The following NUP133 variants were observed in gnomAD, a reference collection of about 807,000 sequenced individuals.
The protein encoded by NUP133 is nuclear pore complex protein Nup133.
A neutral mutation model predicts 146.2 loss-of-function variants in NUP133; 66 were observed. That is an observed-to-expected ratio of 0.45 (90% CI 0.37 to 0.55). The LOEUF is 0.55. Ranked by LOEUF, NUP133 falls within the 20% of genes least tolerant of loss-of-function variation. The pLI is 0.00. For synonymous variants in NUP133, 521 were observed against 498.8 expected (o/e 1.04, Z -0.59); for missense variants, 1,277 against 1,374.8 (o/e 0.93, Z 1.12).
chr1:229,449,414 C>T lies in NUP133; in HGVS notation c.3181-224G>A, dbSNP rs368761593. The stretch of plus-strand genomic sequence containing the variant: ...ACGGAGTCTCGCTCTGTCGCCCAAG[C>T]TGGAGTGCAGTGGCGCGATCTCAGC... On this transcript the variant is annotated intron_variant, in intron 23 of 25. Transcript: ENST00000261396. Among the ~76,000 whole-genome samples, 12 of 149,718 alleles carry T rather than the reference C, an allele frequency of 8.0e-5. No homozygotes were observed. The East Asian group carries it at 2.0e-3, about 24-fold the overall frequency.
At chr1:229,508,040 G>T (rs370383878) in intron 1 of NUP133, 28 bp downstream of exon 1, 5 of 1,435,522 alleles carry the variant, frequency 3.5e-6, no homozygotes, top group Non-Finnish European at 4.6e-6. Context: ...GCTGTTGGTT[G>T]CCAGACCCAA....
chr1:229,489,807 C>G (rs1661462680), intron 9 of NUP133, 148 bp downstream of exon 9: 2 of 558,248 alleles, frequency 3.6e-6, no homozygotes, highest in Non-Finnish European at 5.6e-6. Context: ...GAAGGGGAGA[C>G]AGAGGTTGCA....
chr1:229,442,185 C>T, intron 25 of NUP133, 145 bp from the exon 26 acceptor site: 1 of 762,228 alleles, frequency 1.3e-6, no homozygotes, highest in Non-Finnish European at 2.0e-6. Context: ...TAAATTCCTT[C>T]CATCTGTCAA....
In NUP133 at chr1:229,483,971, TC is replaced by T. The variant is rs894483738; in HGVS notation, c.1592+82del. The T allele has an allele frequency of 3.3e-6, 3 of 916,432 alleles. No homozygotes were observed. In the African/African-American group the frequency reaches 5.0e-5, roughly 15 times the overall value. 56.8% of individuals were successfully genotyped at this position (916,432 alleles called of 1,614,324 possible). ...TGATAGCATCATTCCTCCAACTTGC[TC>T]CCACCAGTCAATAAGTAGCACATGT... is the stretch of plus-strand genomic sequence containing the variant. On this transcript the variant is annotated intron_variant, in intron 12 of 25. Transcript: ENST00000261396.
chr1:229,495,780 T>C (rs2102781772), intron 7 of NUP133, 112 bp downstream of exon 7: 4 of 1,003,282 alleles, frequency 4.0e-6, no homozygotes, highest in Non-Finnish European at 5.8e-6. Context: ...AACCATACAC[T>C]ATGTTGTTTA....
rs746448639 is a variant in NUP133, at chr1:229,486,455, A to G, written c.1416T>C (p.Ser472=). The change falls in exon 11 of 26, where the codon TCT becomes TCC. Residue 472 remains serine, a synonymous_variant. Transcript: ENST00000261396. ...IIFSRNSGLV[S]ITSRENVSIL... Reference sequence around the variant, plus strand: ...TAGACACATTTTCCCTTGAAGTAATAGACACCAGTCCACTGTTTCTAGAAA... The same window carrying G: ...TAGACACATTTTCCCTTGAAGTAATGGACACCAGTCCACTGTTTCTAGAAA... 1 of 1,611,580 alleles carries G rather than the reference A, an allele frequency of 6.2e-7. No individual in the cohort carries two copies. The highest frequency in any genetic ancestry group is 8.5e-7 in the Non-Finnish European group (1 of 1,179,220).
chr1:229,487,573 A>C lies in NUP133; in HGVS notation c.1235T>G (p.Phe412Cys). The C allele has an allele frequency of 6.2e-7, 1 of 1,613,590 alleles. No homozygotes were observed. ...LILCQLTVPN[F>C]SNQTAYLYNE... ...ATACAGATAGGCAGTCTGGTTTGAA[A>C]AGTTTGGGACCGTCAACTGACACAA... The change falls in exon 10 of 26, where the codon TTT (phenylalanine) becomes TGT (cysteine). Residue 412 changes from phenylalanine (F) to cysteine (C), a missense_variant. Physicochemically the swap from Phe to Cys is radical, Grantham distance 205 (BLOSUM62 -2). Coordinates refer to ENST00000261396, the MANE Select transcript of NUP133 (RefSeq NM_018230.3).
chr1:229,447,783 C>T (rs113007575), intron 24 of NUP133, among the ~76,000 whole-genome samples: 2,021 of 152,294 alleles, frequency 0.013, 20 homozygotes, highest in Non-Finnish European at 0.021. Flanking sequence ...TTCCCCTATA[C>T]CTCACCCCAT....
chr1:229,473,881 G>A (rs555390192), intron 14 of NUP133, among the ~76,000 whole-genome samples: 3 of 151,924 alleles, frequency 2.0e-5, no homozygotes, highest in African/African-American at 4.9e-5. Context: ...CTGAGATTGC[G>A]CCACTGTACT....
chr1:229,463,700 A>G (rs760885085), intron 18 of NUP133, 24 bp from the exon 19 acceptor site: 24 of 1,569,790 alleles, frequency 1.5e-5, no homozygotes, highest in African/African-American at 2.8e-5. Flanking sequence ...AAAAGATGGG[A>G]AAAAATCCTG....
At chr1:229,465,384 A>G (rs1571915725) in intron 17 of NUP133, 36 bp downstream of exon 17, 1 of 1,466,368 alleles carries the variant, frequency 6.8e-7, no homozygotes, top group South Asian at 1.2e-5. Flanking sequence ...CATTAGAAAT[A>G]TATTTTGAAC....
At position 229,500,829 on chromosome 1, in the gene NUP133, C is replaced by T. The variant is rs1418188058; in HGVS notation, c.440G>A (p.Ser147Asn). The change falls in exon 4 of 26, where the codon AGT (serine) becomes AAT (asparagine). Residue 147 changes from serine to asparagine, a missense_variant. Around this residue, in one of 3 missense-constraint regions of NUP133, gnomAD observed 319 missense variants for 306.9 expected, o/e 1.04. Coordinates refer to ENST00000261396, the MANE Select transcript of NUP133 (RefSeq NM_018230.3). Reference protein sequence around the residue: ...SVCKELQLPPSDFHWSADLVA... With the variant: ...SVCKELQLPPNDFHWSADLVA... ...TAAGTCGGCACTCCAGTGGAAATCA[C>T]TAGGTGGCAGCTGAAGTTCTTTGCA... The T allele has an allele frequency of 3.1e-6, 5 of 1,612,838 alleles. No homozygotes were observed. The African/African-American group carries it at 5.3e-5, about 17-fold the overall frequency.
chr1:229,508,212 G>T lies in NUP133; in HGVS notation c.38C>A (p.Thr13Asn), dbSNP rs1267010909. Residue 13 changes from threonine (T) to asparagine (N), a missense_variant, in exon 1 of 26, where the codon ACC becomes AAC. Physicochemically the swap from Thr to Asn is moderately conservative, Grantham distance 65 (BLOSUM62 0). This residue lies in a region of NUP133 where 319 missense variants were observed against 306.9 expected (regional missense o/e 1.04). Transcript: ENST00000261396. ...PAAPSPRTPG[T>N]GSRRGPLAGL... ...GGCCAGCGGGCCCCTTCGGGACCCG[G>T]TACCCGGGGTCCGCGGAGAAGGGGC... The T allele has an allele frequency of 3.2e-6, 5 of 1,553,610 alleles. No homozygotes were observed. Among genetic ancestry groups the T allele is most frequent in the Non-Finnish European group, 4.3e-6 (5 of 1,153,190 alleles).
Position 229,498,030 on chromosome 1 carries a change from G to A in NUP133, c.819+106C>T, listed in dbSNP as rs934944325. 26 of 690,858 alleles carry A rather than the reference G, an allele frequency of 3.8e-5. No individual in the cohort carries two copies. In the East Asian group the frequency reaches 6.1e-4, roughly 16 times the overall value. The allele number at this position is 690,858 out of a possible 1,614,324, so 42.8% of individuals were successfully genotyped here. A position where few individuals can be genotyped will look rare whatever the true frequency, so the allele number is the denominator to read the frequency against. On this transcript the variant is annotated intron_variant, in intron 6 of 25. Transcript: ENST00000261396. The stretch of plus-strand genomic sequence containing the variant: ...CTAAAAAGACCAAAGGTTTTATTTC[G>A]CATAAGCTACTGTCCATATGGAGGA...
chr1:229,476,325 A>C (rs1458600749), intron 13 of NUP133, among the ~76,000 whole-genome samples: 1 of 152,218 alleles, frequency 6.6e-6, no homozygotes, highest in Non-Finnish European at 1.5e-5. Context: ...AAAACAGTCA[A>C]AGAAAGGAGA....
chr1:229,498,112 A>T, intron 6 of NUP133, 24 bp downstream of exon 6: 1 of 1,504,396 alleles, frequency 6.6e-7, no homozygotes, highest in Non-Finnish European at 9.0e-7. Context: ...ATAAGCTTGT[A>T]AAATAGTTAT....
chr1:229,458,074 A>G, intron 21 of NUP133, 87 bp downstream of exon 21: 1 of 1,368,408 alleles, frequency 7.3e-7, no homozygotes. Context: ...TCTAAGAGAT[A>G]GATCCTGCTA....
intron 8 of NUP133, among the ~76,000 whole-genome samples, chr1:229,492,922 T>TAA (rs942300640): frequency 6.7e-6 from 1 of 150,204 alleles, no homozygotes; most frequent in East Asian, 2.0e-4. Flanking sequence ...AATAAAAATT[T>TAA]AAAAAAAAAA....
Position 229,450,461 on chromosome 1 carries a change from G to A in NUP133, c.3180+64C>T, listed in dbSNP as rs60350454. 4,517 of 779,308 alleles carry A rather than the reference G, an allele frequency of 5.8e-3. 156 individuals are homozygous for A. In the African/African-American group the frequency reaches 0.07, roughly 12 times the overall value. The allele number at this position is 779,308 out of a possible 1,614,324, so 48.3% of individuals were successfully genotyped here. A position where few individuals can be genotyped will look rare whatever the true frequency, so the allele number is the denominator to read the frequency against. Reference sequence around the variant, plus strand: ...TTCATTTTCATGATTGACTAAAAGAGGGATCTCCCTCTTTTTATATATGTA... The same window carrying A: ...TTCATTTTCATGATTGACTAAAAGAAGGATCTCCCTCTTTTTATATATGTA... On this transcript the variant is annotated intron_variant, in intron 23 of 25. Transcript: ENST00000261396.
Sources: allele counts gnomAD v4.1 joint callset (sites outside exome capture counted in the v4.1 genomes callset), GRCh38; gene constraint gnomAD v4.1.1; regional missense constraint gnomAD v4.1.1; transcripts MANE v1.5; gene names NCBI Gene and HGNC (gene_info 2026-07-23, HGNC 2026-07-21).